LRMDA: variants seen among roughly 807,000 people sequenced by gnomAD.
The protein encoded by LRMDA is leucine rich melanocyte differentiation associated, also known as leucine-rich melanocyte differentiation-associated protein.
Under a neutral mutation model 29.8 loss-of-function variants are expected in LRMDA, and 18 were observed. The ratio of observed to expected loss-of-function variants is 0.60; its 90% confidence interval spans 0.42 to 0.90. The LOEUF is 0.90. LRMDA is among the 40% of genes least tolerant of loss of function. The pLI, the probability that LRMDA is intolerant of heterozygous loss-of-function variation, is 0.00. For synonymous variants in LRMDA, 125 were observed against 109.4 expected, an observed-to-expected ratio of 1.14 and a Z score of -0.89; for missense variants, 273 against 273.9, an observed-to-expected ratio of 1.00 and a Z score of 0.02.
chr10:75,765,973 A>G lies in LRMDA; in HGVS notation c.132-270035A>G, dbSNP rs985677137. On this transcript the variant is annotated intron_variant, in intron 2 of 6. Coordinates refer to ENST00000611255, the MANE Select transcript of LRMDA (RefSeq NM_001305581.2). ...ACAGGAGGAGCGCTCAGAATCCGTT[A>G]TGTGAGGCTGAGATGGTGAGGAGGG... Among the ~76,000 whole-genome samples the G allele has an allele frequency of 2.6e-5, 4 of 152,136 alleles. No homozygotes were observed. In the East Asian group the frequency reaches 7.7e-4, roughly 29 times the overall value.
At chr10:75,907,616 G>A (rs1191974099) in intron 2 of LRMDA, among the ~76,000 whole-genome samples, 1 of 152,152 alleles carries the variant, frequency 6.6e-6, no homozygotes, top group East Asian at 1.9e-4. Context: ...GGCATGGTAC[G>A]CTGCTGTTAC....
rs1489393265 is a variant in LRMDA at position 76,230,390 on chromosome 10, CTG to C, written c.517-94009_517-94008del. 2.6e-5 allele frequency among the ~76,000 whole-genome samples: 4 copies of C among 151,668 alleles called. No individual in the cohort carries two copies. In the East Asian group the frequency reaches 5.8e-4, roughly 22 times the overall value. Reference sequence around the variant, plus strand: ...TATACTTTTTTGGATATTATTCTGACTGTAGTTTCAAAAAAAAGTAGATAGAA... The same window carrying C: ...TATACTTTTTTGGATATTATTCTGACTAGTTTCAAAAAAAAGTAGATAGAA... On this transcript the variant is annotated intron_variant, in intron 5 of 6. Transcript: ENST00000611255.
intron 2 of LRMDA, among the ~76,000 whole-genome samples, chr10:75,785,772 T>C (rs757953690): frequency 1.2e-4 from 18 of 152,272 alleles, no homozygotes; most frequent in Non-Finnish European, 8.8e-5. Flanking sequence ...GCCTCTTTAC[T>C]GGATATGAAA....
At chr10:75,853,435 T>G (rs938428183) in intron 2 of LRMDA, among the ~76,000 whole-genome samples, 18 of 49,298 alleles carry the variant, frequency 3.7e-4, no homozygotes, top group Non-Finnish European at 5.9e-4. Context: ...AGAAGAGGGG[T>G]GTGTGTGTGT....
At chr10:76,353,723 C>T (rs1841206329) in intron 6 of LRMDA, among the ~76,000 whole-genome samples, 1 of 152,200 alleles carries the variant, frequency 6.6e-6, no homozygotes, top group Non-Finnish European at 1.5e-5. Flanking sequence ...AGGCTGCTTT[C>T]CTGCTCCAGA....
chr10:75,993,392 C>A (rs1847405321), intron 2 of LRMDA, among the ~76,000 whole-genome samples: 1 of 152,154 alleles, frequency 6.6e-6, no homozygotes, highest in African/African-American at 2.4e-5. Flanking sequence ...TAACATAATT[C>A]TTCAATAGAC....
chr10:75,757,438 T>G lies in LRMDA; in HGVS notation c.132-278570T>G, dbSNP rs545247616. ...GGAGGTTAGAACGTCTAGCTATATG[T>G]CCAGGAGTTGAAGAAGTGGGTTTTG... On this transcript the variant is annotated intron_variant, in intron 2 of 6. Transcript: ENST00000611255. Among the ~76,000 whole-genome samples, 4 of 152,274 alleles carry G rather than the reference T, an allele frequency of 2.6e-5. No homozygotes were observed. The South Asian group carries it at 8.3e-4, about 32-fold the overall frequency.
At chr10:76,289,079 T>TTA (rs1286579616) in intron 5 of LRMDA, among the ~76,000 whole-genome samples, 1 of 152,174 alleles carries the variant, frequency 6.6e-6, no homozygotes. Flanking sequence ...CAAGGACATA[T>TTA]TACAGTGGAA....
intron 5 of LRMDA, among the ~76,000 whole-genome samples, chr10:76,174,223 G>A (rs1217843691): frequency 2.0e-5 from 3 of 151,940 alleles, no homozygotes; most frequent in Non-Finnish European, 4.4e-5. Context: ...ATTTCACATT[G>A]CATGCCTGTA....
chr10:75,971,145 G>A (rs1846961446), intron 2 of LRMDA, among the ~76,000 whole-genome samples: 1 of 152,210 alleles, frequency 6.6e-6, no homozygotes. Context: ...GTACTGCCAT[G>A]TAGAGATATT....
Position 76,367,892 on chromosome 10 carries a change from G to C in LRMDA, c.601+43407G>C, listed in dbSNP as rs145586668. Among the ~76,000 whole-genome samples the C allele has an allele frequency of 2.1e-4, 32 of 152,148 alleles. No individual in the cohort carries two copies. In the East Asian group the frequency reaches 6.2e-3, roughly 29 times the overall value. On this transcript the variant is annotated intron_variant, in intron 6 of 6. Transcript: ENST00000611255. ...TAGGTTTTCCTTTATGTACATAAAG[G>C]TGTTCATAGTAGCCTTGAATGATCT...
intron 5 of LRMDA, among the ~76,000 whole-genome samples, chr10:76,091,793 C>G (rs923024934): frequency 6.6e-6 from 1 of 152,106 alleles, no homozygotes; most frequent in Non-Finnish European, 1.5e-5. Flanking sequence ...TCAGTTGATC[C>G]TCCTGCCTCA....
chr10:76,403,876 C>A (rs78071222), intron 6 of LRMDA, among the ~76,000 whole-genome samples: 130 of 152,146 alleles, frequency 8.5e-4, no homozygotes, highest in African/African-American at 2.9e-3. Context: ...TAGTTTCCCC[C>A]CTGGCCTTCC....
chr10:75,669,206 G>T (rs1284377433), intron 2 of LRMDA, among the ~76,000 whole-genome samples: 1 of 152,186 alleles, frequency 6.6e-6, no homozygotes, highest in Non-Finnish European at 1.5e-5. Flanking sequence ...GAGGGTATGA[G>T]TTTGCTTTAA....
intron 2 of LRMDA, among the ~76,000 whole-genome samples, chr10:75,728,668 A>T (rs1354467322): frequency 6.6e-6 from 1 of 152,154 alleles, no homozygotes; most frequent in East Asian, 1.9e-4. Flanking sequence ...AGGCAATGTG[A>T]TGGGAACCAT....
chr10:76,330,132 T>G (rs2132405619), intron 6 of LRMDA, among the ~76,000 whole-genome samples: 1 of 152,316 alleles, frequency 6.6e-6, no homozygotes, highest in Admixed American at 6.5e-5. Context: ...TGTTTTGGGC[T>G]TATAGGATTC....
intron 2 of LRMDA, among the ~76,000 whole-genome samples, chr10:75,972,277 ATTT>A: frequency 6.9e-6 from 1 of 145,952 alleles, no homozygotes; most frequent in East Asian, 2.0e-4. Flanking sequence ...GGAGTTTGGG[ATTT>A]TTTTTTTTTA....
chr10:75,491,011 G>A (rs1488562692), intron 2 of LRMDA, among the ~76,000 whole-genome samples: 1 of 152,130 alleles, frequency 6.6e-6, no homozygotes, highest in African/African-American at 2.4e-5. Flanking sequence ...AGATAGTTAA[G>A]GAATTAAATT....
intron 5 of LRMDA, among the ~76,000 whole-genome samples, chr10:76,208,651 G>A (rs558881352): frequency 3.1e-4 from 47 of 152,270 alleles, no homozygotes; most frequent in African/African-American, 1.1e-3. Flanking sequence ...AGAAATAGGA[G>A]GAAACACATG....
Sources: allele counts gnomAD v4.1 joint callset (sites outside exome capture counted in the v4.1 genomes callset), GRCh38; gene constraint gnomAD v4.1.1; transcripts MANE v1.5; gene names NCBI Gene and HGNC (gene_info 2026-07-23, HGNC 2026-07-21).